MRPS35: variants seen among roughly 807,000 people sequenced by gnomAD.
MRPS35 encodes the protein mitochondrial ribosomal protein S35.
MRPS35 carries 29 observed loss-of-function variants against 32.7 expected under a neutral mutation model. The ratio of observed to expected loss-of-function variants is 0.89; its 90% confidence interval spans 0.66 to 1.21. The LOEUF (loss-of-function observed/expected upper bound fraction) is 1.21. MRPS35 is among the 50% of genes most tolerant of loss of function. The pLI, the probability that MRPS35 is intolerant of heterozygous loss-of-function variation, is 0.00. For synonymous variants in MRPS35, 148 were observed against 139.3 expected (o/e 1.06, Z -0.44); for missense variants, 373 against 383.8 (o/e 0.97, Z 0.23).
chr12:27,722,885 A>C (rs909502599), intron 4 of MRPS35, among the ~76,000 whole-genome samples: 1 of 152,236 alleles, frequency 6.6e-6, no homozygotes, highest in Non-Finnish European at 1.5e-5. Flanking sequence ...AGCCTAAATG[A>C]GAGCAAAATA....
At chr12:27,747,787 T>C (rs2061986214) in intron 7 of MRPS35, among the ~76,000 whole-genome samples, 1 of 152,216 alleles carries the variant, frequency 6.6e-6, no homozygotes, top group African/African-American at 2.4e-5. Context: ...AATTAGCTAT[T>C]ATGTTTTTCT....
intron 7 of MRPS35, among the ~76,000 whole-genome samples, chr12:27,738,959 A>T (rs900523190): frequency 8.1e-5 from 12 of 148,960 alleles, no homozygotes; most frequent in Non-Finnish European, 1.8e-4. Context: ...CCCAGGCTGG[A>T]GTGCAGTGGA....
intron 7 of MRPS35, among the ~76,000 whole-genome samples, chr12:27,738,235 C>T (rs1005164128): frequency 6.6e-6 from 1 of 152,072 alleles, no homozygotes; most frequent in Non-Finnish European, 1.5e-5. Context: ...ATTTATGTTT[C>T]ATATACACTT....
chr12:27,719,164 C>CTGTA lies in MRPS35; in HGVS notation c.322-643_322-640dup, dbSNP rs779888467. ...TTATAAAGGAAATATACATGTATAC[C>CTGTA]TGTAGATTTGTGGCAGGAAGAATAC... On this transcript the variant is annotated intron_variant, in intron 3 of 7. Transcript: ENST00000081029. 2.6e-5 allele frequency among the ~76,000 whole-genome samples: 4 copies of CTGTA among 152,230 alleles called. No homozygotes were observed. The South Asian group carries it at 6.2e-4, about 24-fold the overall frequency.
chr12:27,722,255 A>T (rs552336379), intron 4 of MRPS35, among the ~76,000 whole-genome samples: 1 of 152,310 alleles, frequency 6.6e-6, no homozygotes, highest in African/African-American at 2.4e-5. Flanking sequence ...TTCAGATTTT[A>T]TATCTAACTT....
At position 27,755,472 on chromosome 12, in the gene MRPS35, CTTGAT is replaced by C; in HGVS notation, c.*25_*29del. The C allele has an allele frequency of 6.7e-7, 1 of 1,501,064 alleles. No homozygotes were observed. The highest frequency in any genetic ancestry group is 8.9e-7 in the Non-Finnish European group (1 of 1,129,164). 93.0% of individuals were successfully genotyped at this position (1,501,064 alleles called of 1,614,324 possible). ...ATGAATTATGGAGTAGAAAAATCTG[CTTGAT>C]TTATTAATTTTATGATATATGTGAT... On this transcript the variant is annotated 3_prime_UTR_variant, in exon 8 of 8. Transcript: ENST00000081029.
rs1423130205 is a variant in MRPS35, at chr12:27,724,161, C to T, written c.497C>T (p.Pro166Leu). ...YVSSGPSVRN[P>L]RARVVVLRVK... The stretch of plus-strand genomic sequence containing the variant: ...TCATCAGGACCATCTGTTCGGAACC[C>T]CAGAGCACGAGTAGTAGTCTTAAGA... The change falls in exon 5 of 8, where the codon CCC becomes CTC. Residue 166 changes from proline (P) to leucine (L), a missense_variant. Transcript: ENST00000081029. The T allele has an allele frequency of 2.5e-6, 4 of 1,595,780 alleles. No individual in the cohort carries two copies. The highest frequency in any genetic ancestry group is 1.4e-5 in the African/African-American group (1 of 73,678).
chr12:27,754,082 C>T (rs1280160080), intron 7 of MRPS35, among the ~76,000 whole-genome samples: 2 of 151,984 alleles, frequency 1.3e-5, no homozygotes, highest in African/African-American at 2.4e-5. Context: ...GGTGAAACTC[C>T]AACTCTACTA....
intron 2 of MRPS35, among the ~76,000 whole-genome samples, chr12:27,715,856 T>G (rs1378101625): frequency 1.3e-5 from 2 of 152,250 alleles, no homozygotes; most frequent in Non-Finnish European, 2.9e-5. Flanking sequence ...ATATATTTAT[T>G]CAATCAGTTT....
chr12:27,727,462 A>G (rs530788814), intron 5 of MRPS35, among the ~76,000 whole-genome samples: 1 of 152,270 alleles, frequency 6.6e-6, no homozygotes, highest in East Asian at 1.9e-4. Context: ...GTAACATGCT[A>G]CACAGGTTTG....
At chr12:27,715,687 G>A (rs543522704) in intron 2 of MRPS35, among the ~76,000 whole-genome samples, 3 of 152,286 alleles carry the variant, frequency 2.0e-5, no homozygotes, top group South Asian at 2.1e-4. Context: ...TTGATATTGC[G>A]TAGGCGGGGC....
chr12:27,716,818 T>A (rs2061853137), intron 3 of MRPS35, among the ~76,000 whole-genome samples: 1 of 152,012 alleles, frequency 6.6e-6, no homozygotes, highest in Non-Finnish European at 1.5e-5. Context: ...TGAAACCCCA[T>A]CTCTACTAAA....
intron 7 of MRPS35, among the ~76,000 whole-genome samples, chr12:27,739,399 C>T (rs1432437252): frequency 6.6e-6 from 1 of 152,236 alleles, no homozygotes; most frequent in African/African-American, 2.4e-5. Flanking sequence ...CAGCTGTTCT[C>T]TAAACTGCTC....
intron 5 of MRPS35, among the ~76,000 whole-genome samples, chr12:27,725,195 G>A (rs555212826): frequency 6.6e-6 from 1 of 152,314 alleles, no homozygotes; most frequent in South Asian, 2.1e-4. Flanking sequence ...AATTACAGGT[G>A]TGAGCCACTG....
chr12:27,719,161 T>G (rs1391159103), intron 3 of MRPS35, among the ~76,000 whole-genome samples: 1 of 152,176 alleles, frequency 6.6e-6, no homozygotes, highest in African/African-American at 2.4e-5. Context: ...TATACATGTA[T>G]ACCTGTAGAT....
At chr12:27,735,289 G>A (rs2061938763) in intron 5 of MRPS35, among the ~76,000 whole-genome samples, 158 bp from the exon 6 acceptor site, 1 of 152,108 alleles carries the variant, frequency 6.6e-6, no homozygotes, top group Non-Finnish European at 1.5e-5. Context: ...GTAAGATCAG[G>A]GTTTATAATA....
chr12:27,750,963 C>T (rs963174475), intron 7 of MRPS35, among the ~76,000 whole-genome samples: 5 of 151,354 alleles, frequency 3.3e-5, no homozygotes, highest in Non-Finnish European at 5.9e-5. Context: ...ATTAGCTGGG[C>T]GTGGTAGTTG....
intron 6 of MRPS35, among the ~76,000 whole-genome samples, chr12:27,737,233 A>T (rs958847715): frequency 6.6e-6 from 1 of 152,224 alleles, no homozygotes; most frequent in Non-Finnish European, 1.5e-5. Flanking sequence ...TAGCACTGAG[A>T]TGGTGAAGGG....
intron 1 of MRPS35, 104 bp downstream of exon 1, chr12:27,711,059 A>C: frequency 9.8e-7 from 1 of 1,023,858 alleles, no homozygotes; most frequent in East Asian, 2.6e-5. Context: ...CGCCCGGGGG[A>C]GGCCAGTGCG....
Sources: allele counts gnomAD v4.1 joint callset (sites outside exome capture counted in the v4.1 genomes callset), GRCh38; gene constraint gnomAD v4.1.1; transcripts MANE v1.5; gene names NCBI Gene and HGNC (gene_info 2026-07-23, HGNC 2026-07-21).